BRMS1L: variants seen among roughly 807,000 people sequenced by gnomAD.
The protein encoded by BRMS1L is breast cancer metastasis-suppressor 1-like protein.
BRMS1L carries 23 observed loss-of-function variants against 50.3 expected under a neutral mutation model. That is an observed-to-expected ratio of 0.46 (90% CI 0.33 to 0.65). BRMS1L has a LOEUF of 0.65. Among genes scored for constraint, BRMS1L ranks in the 30% least tolerant of loss-of-function variants. The probability of loss-of-function intolerance (pLI) is 0.02; values close to 1 mark genes in which losing one functional copy is unlikely to be tolerated. For synonymous variants in BRMS1L, 114 were observed against 126.9 expected, an observed-to-expected ratio of 0.90 and a Z score of 0.69; for missense variants, 286 against 386.1, an observed-to-expected ratio of 0.74 and a Z score of 2.17.
Position 35,826,512 on chromosome 14 carries a change from G to A in BRMS1L, c.-5G>A. ...GGTAGTGGAAAGCGACGGCGCGGCTGGAAAATGCCAGTCCATTCCCGAGGG... is the reference window on the plus strand; with the variant it reads ...GGTAGTGGAAAGCGACGGCGCGGCTAGAAAATGCCAGTCCATTCCCGAGGG... On this transcript the variant is annotated 5_prime_UTR_variant, in exon 1 of 10. Coordinates refer to ENST00000216807, the MANE Select transcript of BRMS1L (RefSeq NM_032352.4). The A allele has an allele frequency of 6.3e-7, 1 of 1,580,186 alleles. No homozygotes were observed. Among genetic ancestry groups the A allele is most frequent in the Non-Finnish European group, 8.6e-7 (1 of 1,163,682 alleles).
At position 35,870,489 on chromosome 14, in the gene BRMS1L, G is replaced by A. The variant is rs757934029; in HGVS notation, c.*12G>A. ...TTAAACATTCATAATCATGATTTAA[G>A]TGTTATCTAAATTTACCTTATTAGT... On this transcript the variant is annotated 3_prime_UTR_variant, in exon 10 of 10. Transcript: ENST00000216807. 4 of 1,520,466 alleles carry A rather than the reference G, an allele frequency of 2.6e-6. No homozygotes were observed. The South Asian group carries it at 4.7e-5, about 18-fold the overall frequency. 94.2% of individuals were successfully genotyped at this position (1,520,466 alleles called of 1,614,324 possible).
chr14:35,855,698 A>G (rs2078270917), intron 4 of BRMS1L, among the ~76,000 whole-genome samples: 1 of 152,112 alleles, frequency 6.6e-6, no homozygotes, highest in Non-Finnish European at 1.5e-5. Context: ...TCTGTTTTAA[A>G]TCATCTATTA....
intron 4 of BRMS1L, among the ~76,000 whole-genome samples, chr14:35,845,185 G>T (rs577567308): frequency 6.6e-6 from 1 of 152,186 alleles, no homozygotes; most frequent in African/African-American, 2.4e-5. Flanking sequence ...ATAGCAGTTT[G>T]TTTCTTTTAT....
chr14:35,868,511 G>A (rs967221125), intron 9 of BRMS1L, among the ~76,000 whole-genome samples: 2 of 152,194 alleles, frequency 1.3e-5, no homozygotes, highest in African/African-American at 4.8e-5. Flanking sequence ...AGGGCTGGGT[G>A]CAGTGGCTGA....
intron 4 of BRMS1L, among the ~76,000 whole-genome samples, chr14:35,849,607 G>A (rs2078182261): frequency 6.6e-6 from 1 of 152,028 alleles, no homozygotes; most frequent in African/African-American, 2.4e-5. Flanking sequence ...CTTGTTACCT[G>A]TCTTTTTGAT....
At chr14:35,860,456 G>A (rs1344009004) in intron 4 of BRMS1L, among the ~76,000 whole-genome samples, 2 of 151,482 alleles carry the variant, frequency 1.3e-5, no homozygotes, top group African/African-American at 4.9e-5. Flanking sequence ...TTTTTCTCTT[G>A]TCATTTATTG....
intron 4 of BRMS1L, among the ~76,000 whole-genome samples, chr14:35,851,456 A>G (rs886504626): frequency 2.3e-4 from 35 of 152,104 alleles, no homozygotes; most frequent in African/African-American, 8.5e-4. Context: ...ATGCTTGTCT[A>G]TATTGCTTGC....
chr14:35,838,715 G>A (rs1327920117), intron 4 of BRMS1L, among the ~76,000 whole-genome samples: 2 of 151,932 alleles, frequency 1.3e-5, no homozygotes, highest in Non-Finnish European at 2.9e-5. Flanking sequence ...ACTTTTTGAT[G>A]GGGTTGTTTT....
chr14:35,869,750 G>A (rs533299974), intron 9 of BRMS1L, among the ~76,000 whole-genome samples: 1 of 152,068 alleles, frequency 6.6e-6, no homozygotes, highest in Non-Finnish European at 1.5e-5. Flanking sequence ...GGAGACTGAG[G>A]CAGGAGAATC....
intron 3 of BRMS1L, among the ~76,000 whole-genome samples, chr14:35,833,333 A>G (rs922467455): frequency 1.3e-5 from 2 of 151,422 alleles, no homozygotes; most frequent in Non-Finnish European, 2.9e-5. Context: ...AGTTGTTTAC[A>G]GTGTTGTTGA....
chr14:35,866,945 A>G (rs1184615518), intron 8 of BRMS1L, among the ~76,000 whole-genome samples: 1 of 152,078 alleles, frequency 6.6e-6, no homozygotes, highest in African/African-American at 2.4e-5. Context: ...TACTCATAGC[A>G]CTTCACTCAA....
intron 6 of BRMS1L, among the ~76,000 whole-genome samples, chr14:35,864,719 A>G (rs1048012617): frequency 1.3e-5 from 2 of 152,172 alleles, no homozygotes; most frequent in Admixed American, 6.5e-5. Context: ...ACAATCAATG[A>G]TATCATGGAA....
chr14:35,833,135 T>C, intron 3 of BRMS1L, 30 bp downstream of exon 3: 1 of 1,592,374 alleles, frequency 6.3e-7, no homozygotes, highest in Non-Finnish European at 8.6e-7. Flanking sequence ...TTTCCATATA[T>C]AGAATGTAAA....
intron 9 of BRMS1L, among the ~76,000 whole-genome samples, chr14:35,870,102 A>G (rs2078471986): frequency 6.6e-6 from 1 of 151,476 alleles, no homozygotes; most frequent in Non-Finnish European, 1.5e-5. Flanking sequence ...TGGAGTAGGA[A>G]GAATGTGCTT....
intron 4 of BRMS1L, among the ~76,000 whole-genome samples, chr14:35,862,381 T>C (rs888502379): frequency 7.2e-5 from 11 of 152,190 alleles, no homozygotes; most frequent in African/African-American, 2.7e-4. Flanking sequence ...CAGAATGTAA[T>C]TGCATGTAGT....
At chr14:35,852,262 A>G (rs944904895) in intron 4 of BRMS1L, among the ~76,000 whole-genome samples, 14 of 152,342 alleles carry the variant, frequency 9.2e-5, no homozygotes, top group African/African-American at 3.4e-4. Flanking sequence ...GCTGGAATGT[A>G]GTATCATGGT....
chr14:35,848,861 T>G (rs577739443), intron 4 of BRMS1L, among the ~76,000 whole-genome samples: 27 of 152,350 alleles, frequency 1.8e-4, no homozygotes, highest in African/African-American at 6.3e-4. Context: ...CATCCATTGA[T>G]GGACACTTAA....
intron 6 of BRMS1L, 114 bp from the exon 7 acceptor site, chr14:35,864,821 G>T: frequency 1.3e-6 from 1 of 753,530 alleles, no homozygotes. Flanking sequence ...CAGAATTTAG[G>T]ATGCCAAAGC....
chr14:35,830,927 T>G (rs2077911678), intron 1 of BRMS1L, among the ~76,000 whole-genome samples: 2 of 151,804 alleles, frequency 1.3e-5, no homozygotes, highest in African/African-American at 4.8e-5. Flanking sequence ...TATTTTAGAT[T>G]AAATCTATAG....
Sources: gnomAD v4.1 joint callset for allele counts (sites outside exome capture counted in the v4.1 genomes callset) on GRCh38, gnomAD v4.1.1 for gene constraint, MANE v1.5 for transcripts, NCBI Gene and HGNC (gene_info 2026-07-23, HGNC 2026-07-21) for gene names.